Variants in SCUBE1 observed in about 807,000 individuals in gnomAD.
SCUBE1 encodes the protein signal peptide, CUB domain and EGF like domain containing 1, also known as signal peptide, CUB and EGF-like domain-containing protein 1.
A neutral mutation model predicts 124.4 loss-of-function variants in SCUBE1; 59 were observed. That is an observed-to-expected ratio of 0.47 (90% CI 0.38 to 0.59). The LOEUF (loss-of-function observed/expected upper bound fraction) is 0.59, where lower values mean the gene tolerates loss of function less well. SCUBE1 is among the 20% of genes least tolerant of loss of function. The probability of loss-of-function intolerance (pLI) is 0.00; values close to 1 mark genes in which losing one functional copy is unlikely to be tolerated. For missense variants in SCUBE1, 1,150 were observed against 1,371.2 expected (o/e 0.84, Z 2.55); for synonymous variants, 545 against 550.9 (o/e 0.99, Z 0.15).
At chr22:43,228,608 G>T (rs913244770) in intron 9 of SCUBE1, among the ~76,000 whole-genome samples, 1 of 152,114 alleles carries the variant, frequency 6.6e-6, no homozygotes, top group Non-Finnish European at 1.5e-5. Flanking sequence ...GCTGCCTCTC[G>T]GTCCTTCTGT....
chr22:43,235,803 G>A (rs115197418), intron 7 of SCUBE1, among the ~76,000 whole-genome samples: 2 of 152,226 alleles, frequency 1.3e-5, no homozygotes, highest in African/African-American at 4.8e-5. Context: ...TTGAGGCCCA[G>A]AACCCCCTTC....
intron 6 of SCUBE1, among the ~76,000 whole-genome samples, chr22:43,250,023 G>C (rs998995777): frequency 6.6e-6 from 1 of 152,260 alleles, no homozygotes; most frequent in Admixed American, 6.5e-5. Flanking sequence ...GCCTGGCACC[G>C]CGCTAAGCAC....
At chr22:43,281,621 A>C in intron 4 of SCUBE1, among the ~76,000 whole-genome samples, 3 of 132,876 alleles carry the variant, frequency 2.3e-5, no homozygotes, top group African/African-American at 6.8e-5. Context: ...CTCCTCAGCA[A>C]CCCTGTCACC....
At chr22:43,253,092 C>T (rs183040335) in intron 6 of SCUBE1, among the ~76,000 whole-genome samples, 13 of 135,036 alleles carry the variant, frequency 9.6e-5, no homozygotes, top group African/African-American at 3.6e-4. Context: ...TACCTAAGTC[C>T]GTACCTTGCC....
intron 10 of SCUBE1, among the ~76,000 whole-genome samples, chr22:43,226,375 A>G (rs1922303931): frequency 6.6e-6 from 1 of 152,156 alleles, no homozygotes; most frequent in South Asian, 2.1e-4. Flanking sequence ...GTGATGGGGC[A>G]GGCCTCACTC....
chr22:43,248,971 G>T (rs11705077), intron 6 of SCUBE1, among the ~76,000 whole-genome samples: 13 of 152,126 alleles, frequency 8.5e-5, no homozygotes, highest in Admixed American at 2.0e-4. Flanking sequence ...GTGCCCTGAG[G>T]GGGGGCACCA....
chr22:43,272,019 T>C (rs1304497816), intron 4 of SCUBE1, among the ~76,000 whole-genome samples: 4 of 152,080 alleles, frequency 2.6e-5, no homozygotes, highest in South Asian at 4.2e-4. Flanking sequence ...GGCCACTCCA[T>C]TGGCAGGCCC....
At chr22:43,342,962 G>C (rs9612046) in intron 1 of SCUBE1, among the ~76,000 whole-genome samples, 149,807 of 150,006 alleles carry the variant, frequency 1, 74,804 homozygotes, top group Middle Eastern at 1. Context: ...CCCACCCCTG[G>C]TGCGGCCCCG....
At chr22:43,310,617 T>C (rs146514135) in intron 3 of SCUBE1, among the ~76,000 whole-genome samples, 122 of 152,382 alleles carry the variant, frequency 8.0e-4, no homozygotes, top group Non-Finnish European at 1.5e-3. Flanking sequence ...GTTGATCCTG[T>C]CTGACTTCTT....
At chr22:43,237,647 G>A in intron 7 of SCUBE1, 1 of 152,198 alleles carries the variant, frequency 6.6e-6, no homozygotes, top group East Asian at 1.9e-4. Context: ...TAATCACTCG[G>A]TTCTTCCCAG....
intron 3 of SCUBE1, among the ~76,000 whole-genome samples, chr22:43,303,758 T>A (rs1207801267): frequency 6.6e-6 from 1 of 152,250 alleles, no homozygotes; most frequent in East Asian, 1.9e-4. Flanking sequence ...TCTGAGCCGA[T>A]AAGGAATTCT....
rs1490967093 is a variant in SCUBE1, at chr22:43,211,746, A to G, written c.2222-663T>C. ...GCCATGCTAGCCGGGCTGGCCTCAA[A>G]CTTCTGACCTCAGGTGATCCACCCC... On this transcript the variant is annotated intron_variant, in intron 17 of 21. Coordinates refer to ENST00000360835, the MANE Select transcript of SCUBE1 (RefSeq NM_173050.5). This position sits in a 1 kb window ranked among gnomAD's most constrained non-coding sequence, Gnocchi z 4.5. Among the ~76,000 whole-genome samples the G allele has an allele frequency of 6.6e-6, 1 of 151,882 alleles. No homozygotes were observed. Among genetic ancestry groups the G allele is most frequent in the Non-Finnish European group, 1.5e-5 (1 of 67,958 alleles).
At chr22:43,257,680 C>A (rs1468702479) in intron 6 of SCUBE1, among the ~76,000 whole-genome samples, 1 of 152,212 alleles carries the variant, frequency 6.6e-6, no homozygotes. Flanking sequence ...GCAGGGCCCA[C>A]ACTGTCCATC....
At chr22:43,274,283 C>T (rs1454734082) in intron 4 of SCUBE1, among the ~76,000 whole-genome samples, 1 of 152,158 alleles carries the variant, frequency 6.6e-6, no homozygotes, top group Non-Finnish European at 1.5e-5. Flanking sequence ...TTCAGGTGGA[C>T]AATCAATACT....
chr22:43,291,719 G>T (rs965159355), intron 3 of SCUBE1, among the ~76,000 whole-genome samples: 1 of 152,196 alleles, frequency 6.6e-6, no homozygotes, highest in Non-Finnish European at 1.5e-5. Flanking sequence ...CCTGGAAAGA[G>T]TCCAGTGGCT....
chr22:43,339,504 A>C (rs892221602), intron 1 of SCUBE1, among the ~76,000 whole-genome samples: 1 of 151,890 alleles, frequency 6.6e-6, no homozygotes, highest in South Asian at 2.1e-4. Flanking sequence ...TTCTGCTAAA[A>C]AGATGAGAAA....
In SCUBE1 at chr22:43,255,265, G is replaced by A. The variant is rs770176698; in HGVS notation, c.727+2954C>T. On this transcript the variant is annotated intron_variant, in intron 6 of 21. Coordinates refer to ENST00000360835, the MANE Select transcript of SCUBE1 (RefSeq NM_173050.5). This position sits in a 1 kb window ranked among gnomAD's most constrained non-coding sequence, Gnocchi z 4.7. ...GTAAAAACTTTAAAAAGGAAAAAGTGAGTTCACACCTGGAGTGGAGCCCCC... is the reference window on the plus strand; with the variant it reads ...GTAAAAACTTTAAAAAGGAAAAAGTAAGTTCACACCTGGAGTGGAGCCCCC... 6.6e-5 allele frequency among the ~76,000 whole-genome samples: 10 copies of A among 152,144 alleles called. No individual in the cohort carries two copies. Among genetic ancestry groups the A allele is most frequent in the Non-Finnish European group, 1.3e-4 (9 of 68,030 alleles).
At chr22:43,215,473 G>A (rs1260478064) in intron 15 of SCUBE1, among the ~76,000 whole-genome samples, 2 of 152,224 alleles carry the variant, frequency 1.3e-5, no homozygotes, top group South Asian at 2.1e-4. Context: ...GCAGAAGTTT[G>A]ATGAGGAGGA....
intron 6 of SCUBE1, among the ~76,000 whole-genome samples, chr22:43,250,107 G>A (rs1050849212): frequency 1.3e-5 from 2 of 152,248 alleles, no homozygotes; most frequent in African/African-American, 4.8e-5. Flanking sequence ...TTTTACAGCT[G>A]AGGAAACAGG....
Sources: allele counts gnomAD v4.1 joint callset (sites outside exome capture counted in the v4.1 genomes callset), GRCh38; gene constraint gnomAD v4.1.1; non-coding constraint Gnocchi (gnomAD v3.1); transcripts MANE v1.5; gene names NCBI Gene and HGNC (gene_info 2026-07-23, HGNC 2026-07-21).